Variants in KIAA0825 observed in about 807,000 individuals in gnomAD.
The protein encoded by KIAA0825 is uncharacterized protein KIAA0825.
Under a neutral mutation model 147.6 loss-of-function variants are expected in KIAA0825, and 119 were observed. That is an observed-to-expected ratio of 0.81 (90% CI 0.69 to 0.94). The LOEUF (loss-of-function observed/expected upper bound fraction) is 0.94. Ranked by LOEUF, KIAA0825 falls within the 40% of genes least tolerant of loss-of-function variation. The pLI is 0.00. For synonymous variants in KIAA0825, 470 were observed against 518.1 expected (o/e 0.91, Z 1.26); for missense variants, 1,381 against 1,472.7 (o/e 0.94, Z 1.02).
chr5:94,596,261 T>TCATATAAGTA (rs2152406753), intron 1 of KIAA0825, among the ~76,000 whole-genome samples: 3 of 152,326 alleles, frequency 2.0e-5, no homozygotes, highest in African/African-American at 7.2e-5. Context: ...TTTTTGTACA[T>TCATATAAGTA]CATATAAGTA....
intron 14 of KIAA0825, among the ~76,000 whole-genome samples, chr5:94,421,711 T>A (rs1754213884): frequency 6.6e-6 from 1 of 152,192 alleles, no homozygotes; most frequent in South Asian, 2.1e-4. Flanking sequence ...TATATATCAA[T>A]CTAAACTCCT....
intron 2 of KIAA0825, among the ~76,000 whole-genome samples, chr5:94,542,684 G>T (rs1182762502): frequency 6.6e-6 from 1 of 152,088 alleles, no homozygotes. Context: ...GTGGGTGCCT[G>T]TAATCCCAGC....
chr5:94,510,942 A>T (rs1210558483), intron 5 of KIAA0825, among the ~76,000 whole-genome samples: 1 of 152,142 alleles, frequency 6.6e-6, no homozygotes, highest in Non-Finnish European at 1.5e-5. Context: ...TTGTGGACTG[A>T]ATGTTTGTGT....
chr5:94,525,296 CTT>C (rs1340497544), intron 3 of KIAA0825, among the ~76,000 whole-genome samples: 2 of 151,866 alleles, frequency 1.3e-5, no homozygotes, highest in Non-Finnish European at 2.9e-5. Flanking sequence ...ACGAAAGACT[CTT>C]TGAAATTCAT....
At chr5:94,418,894 T>C (rs1753816047) in intron 14 of KIAA0825, among the ~76,000 whole-genome samples, 1 of 152,096 alleles carries the variant, frequency 6.6e-6, no homozygotes, top group Non-Finnish European at 1.5e-5. Context: ...TTATTTTCTT[T>C]TGAGATAGGG....
chr5:94,272,641 T>G (rs1777046931), intron 20 of KIAA0825, among the ~76,000 whole-genome samples: 1 of 152,162 alleles, frequency 6.6e-6, no homozygotes, highest in Admixed American at 6.5e-5. Context: ...ACCTAATAAT[T>G]TACTCATCTG....
Position 94,152,734 on chromosome 5 carries a change from G to T in KIAA0825, c.*1273C>A, listed in dbSNP as rs1340020713. 1.4e-5 allele frequency among the ~76,000 whole-genome samples: 2 copies of T among 140,114 alleles called. No individual in the cohort carries two copies. Among genetic ancestry groups the T allele is most frequent in the Non-Finnish European group, 3.0e-5 (2 of 65,602 alleles). 91.9% of individuals were successfully genotyped at this position (140,114 alleles called of 152,430 possible). ...GGAGGCTGAGGTGGGAGTATTGCTT[G>T]AGCCTATGAGTTTGAGGTTACATTG... On this transcript the variant is annotated 3_prime_UTR_variant, in exon 21 of 21. Coordinates refer to ENST00000682413, the MANE Select transcript of KIAA0825 (RefSeq NM_001145678.3).
intron 20 of KIAA0825, among the ~76,000 whole-genome samples, chr5:94,192,637 C>T (rs1420931540): frequency 1.3e-5 from 2 of 151,996 alleles, no homozygotes; most frequent in East Asian, 1.9e-4. Flanking sequence ...CTACCCTTAC[C>T]TGCGCCAGTG....
rs181480121 is a variant in KIAA0825, at chr5:94,357,582, A to G, written c.3710+26786T>C. ...GTTTATGGATGGGTCTAGTTTGACA[A>G]TTTAGCCTGTTGGATGTGACTTTCA... On this transcript the variant is annotated intron_variant, in intron 20 of 20. Coordinates refer to ENST00000682413, the MANE Select transcript of KIAA0825 (RefSeq NM_001145678.3). Among the ~76,000 whole-genome samples the G allele has an allele frequency of 2.0e-3, 306 of 152,334 alleles. 1 individual carries two copies. Among genetic ancestry groups the G allele is most frequent in the Middle Eastern group, 6.8e-3 (2 of 294 alleles).
chr5:94,290,293 C>G (rs1437597868), intron 20 of KIAA0825, among the ~76,000 whole-genome samples: 1 of 152,150 alleles, frequency 6.6e-6, no homozygotes, highest in Non-Finnish European at 1.5e-5. Flanking sequence ...TAGCCCCCCA[C>G]CACCCAACAG....
At chr5:94,297,036 G>A (rs529944559) in intron 20 of KIAA0825, among the ~76,000 whole-genome samples, 11 of 152,114 alleles carry the variant, frequency 7.2e-5, no homozygotes, top group Admixed American at 4.6e-4. Flanking sequence ...TAATATATAC[G>A]CAAGCTTCAA....
intron 2 of KIAA0825, among the ~76,000 whole-genome samples, chr5:94,552,070 T>C (rs1277233441): frequency 1.3e-5 from 2 of 151,748 alleles, no homozygotes; most frequent in African/African-American, 4.8e-5. Flanking sequence ...AGTGAAGAGA[T>C]GGAAAAAGAT....
At chr5:94,256,735 G>T (rs1259104093) in intron 20 of KIAA0825, among the ~76,000 whole-genome samples, 1 of 152,092 alleles carries the variant, frequency 6.6e-6, no homozygotes, top group Non-Finnish European at 1.5e-5. Flanking sequence ...TATCAACCTA[G>T]GAGGCTTCCA....
intron 20 of KIAA0825, among the ~76,000 whole-genome samples, chr5:94,174,863 A>G (rs1768946941): frequency 6.6e-6 from 1 of 152,096 alleles, no homozygotes; most frequent in South Asian, 2.1e-4. Context: ...TCAAATTTAA[A>G]CATCTTCCTT....
chr5:94,395,894 C>T (rs1750588657), intron 17 of KIAA0825, among the ~76,000 whole-genome samples: 1 of 152,130 alleles, frequency 6.6e-6, no homozygotes, highest in Non-Finnish European at 1.5e-5. Context: ...TCCAGTGTGT[C>T]AATGGGGTTC....
At chr5:94,428,113 C>G (rs1347658609) in intron 14 of KIAA0825, among the ~76,000 whole-genome samples, 1 of 149,706 alleles carries the variant, frequency 6.7e-6, no homozygotes, top group Non-Finnish European at 1.5e-5. Flanking sequence ...TGAGATGGGT[C>G]TCTTGGAGAC....
chr5:94,618,194 A>G (rs78169462), intron 1 of KIAA0825: 30 of 152,366 alleles, frequency 2.0e-4, no homozygotes, highest in African/African-American at 6.3e-4. Flanking sequence ...CTCGTTGATC[A>G]TTGGTAGAGA....
intron 20 of KIAA0825, among the ~76,000 whole-genome samples, chr5:94,175,227 T>C (rs1293622886): frequency 6.6e-6 from 1 of 152,208 alleles, no homozygotes; most frequent in African/African-American, 2.4e-5. Context: ...CCTAAAATCC[T>C]ATCATTCTCC....
intron 20 of KIAA0825, among the ~76,000 whole-genome samples, chr5:94,200,779 A>C (rs1351399399): frequency 6.6e-6 from 1 of 151,752 alleles, no homozygotes; most frequent in Non-Finnish European, 1.5e-5. Flanking sequence ...GACAACTCCC[A>C]TACCAGTATA....
Sources: allele counts gnomAD v4.1 joint callset (sites outside exome capture counted in the v4.1 genomes callset), GRCh38; gene constraint gnomAD v4.1.1; transcripts MANE v1.5; gene names NCBI Gene and HGNC (gene_info 2026-07-23, HGNC 2026-07-21).